The following ELP2 variants were observed in gnomAD, a reference collection of about 807,000 sequenced individuals.
ELP2 encodes elongator acetyltransferase complex subunit 2, also known as elongator complex protein 2.
ELP2 carries 90 observed loss-of-function variants against 119.2 expected under a neutral mutation model. That is an observed-to-expected ratio of 0.75 (90% CI 0.64 to 0.90). ELP2 has a LOEUF of 0.90. Ranked by LOEUF, ELP2 falls within the 40% of genes least tolerant of loss-of-function variation. ELP2 has a pLI of 0.00. For missense variants in ELP2, 921 were observed against 967.8 expected (o/e 0.95, Z 0.64); for synonymous variants, 339 against 331.0 (o/e 1.02, Z -0.26).
chr18:36,141,765 A>C lies in ELP2; in HGVS notation c.589-516A>C, dbSNP rs1034986327. On this transcript the variant is annotated intron_variant, in intron 6 of 21. Transcript: ENST00000358232. ...TGGTGCAGTGGTGAGAACATGCGTC[A>C]CTGTAGTCTTGACTTCCTGGGGTGA... Among the ~76,000 whole-genome samples, 8 of 149,348 alleles carry C rather than the reference A, an allele frequency of 5.4e-5. No individual in the cohort carries two copies. The East Asian group carries it at 1.4e-3, about 26-fold the overall frequency.
chr18:36,154,360 TTAA>T (rs1174310800), intron 11 of ELP2, among the ~76,000 whole-genome samples: 7 of 152,216 alleles, frequency 4.6e-5, no homozygotes, highest in Non-Finnish European at 1.0e-4. Flanking sequence ...CTCTTTTTAC[TTAA>T]TAAAGCCATC....
At chr18:36,151,315 T>C in intron 11 of ELP2, among the ~76,000 whole-genome samples, 1 of 151,704 alleles carries the variant, frequency 6.6e-6, no homozygotes, top group South Asian at 2.1e-4. Context: ...ACTCCTGGGC[T>C]CAAGCAGTCT....
chr18:36,139,400 A>T (rs2089943225), intron 5 of ELP2: 1 of 1,534,138 alleles, frequency 6.5e-7, no homozygotes, highest in Non-Finnish European at 8.7e-7. Flanking sequence ...TGAGTGAGTC[A>T]GCCTCTTTGC....
intron 11 of ELP2, among the ~76,000 whole-genome samples, chr18:36,151,021 TC>T (rs1014660476): frequency 6.6e-5 from 10 of 150,980 alleles, no homozygotes; most frequent in African/African-American, 2.4e-4. Context: ...GTCAGTAGTT[TC>T]CCCCCCTATT....
rs1412222064 is a variant in ELP2, at chr18:36,180,361, G to A, written c.*5720G>A. 1 of 152,224 alleles carries A rather than the reference G, an allele frequency of 6.6e-6. No individual in the cohort carries two copies. Among genetic ancestry groups the A allele is most frequent in the Non-Finnish European group, 1.5e-5 (1 of 68,038 alleles). The allele number at this position is 152,224 out of a possible 1,614,324, so 9.4% of individuals were successfully genotyped here. A position where few individuals can be genotyped will look rare whatever the true frequency, so the allele number is the denominator to read the frequency against. On this transcript the variant is annotated 3_prime_UTR_variant, in exon 22 of 22. Coordinates refer to ENST00000358232, the MANE Select transcript of ELP2 (RefSeq NM_018255.4). ...TTAAATCTTTATTGCAGATGCCCAT[G>A]TGCTCAGCAGAGAACTGGGGTGCTT...
intron 1 of ELP2, among the ~76,000 whole-genome samples, chr18:36,132,121 G>T (rs1242186935): frequency 6.6e-6 from 1 of 151,994 alleles, no homozygotes; most frequent in Non-Finnish European, 1.5e-5. Context: ...CATTGGCCAG[G>T]CTGGTCTCCA....
At chr18:36,137,948 T>C (rs1484893762) in intron 3 of ELP2, 1 of 303,354 alleles carries the variant, frequency 3.3e-6, no homozygotes, top group Non-Finnish European at 6.4e-6. Context: ...TATGTAGTAA[T>C]GCTGTCAAAA....
intron 19 of ELP2, among the ~76,000 whole-genome samples, chr18:36,168,535 T>C (rs1259920250): frequency 6.6e-6 from 1 of 152,138 alleles, no homozygotes; most frequent in Non-Finnish European, 1.5e-5. Context: ...AAAGAAGTGC[T>C]GAGCAAAAGG....
intron 17 of ELP2, 129 bp downstream of exon 17, chr18:36,161,133 CT>C: frequency 1.4e-6 from 1 of 722,824 alleles, no homozygotes; most frequent in Non-Finnish European, 2.5e-6. Flanking sequence ...TTGAATCTTA[CT>C]TTCTCAATTT....
chr18:36,136,561 T>G, intron 3 of ELP2, 184 bp downstream of exon 3: 1 of 613,242 alleles, frequency 1.6e-6, no homozygotes, highest in Non-Finnish European at 2.9e-6. Context: ...TTTGTTTGTT[T>G]GTTTGTTTTT....
At chr18:36,139,534 C>G (rs2089949795) in intron 5 of ELP2, 1 of 1,535,694 alleles carries the variant, frequency 6.5e-7, no homozygotes, top group South Asian at 1.2e-5. Flanking sequence ...CCATTCTGTG[C>G]AAGGCTCTGT....
Position 36,164,567 on chromosome 18 carries a change from G to A in ELP2, c.1854G>A (p.Thr618=), listed in dbSNP as rs778037150. The change falls in exon 18 of 22, where the codon ACG becomes ACA. Residue 618 remains threonine, a synonymous_variant. Transcript: ENST00000358232. The part of the protein sequence containing the change: ...QNLVFHSLTV[T]QMAFSPNEKF... Reference sequence around the variant, plus strand: ...TAGTTTTCCACAGTTTGACAGTCACGCAGATGGCCTTCTCACCTAATGAGA... The same window carrying A: ...TAGTTTTCCACAGTTTGACAGTCACACAGATGGCCTTCTCACCTAATGAGA... 2.8e-5 allele frequency: 45 copies of A among 1,614,034 alleles called. No homozygotes were observed. Among genetic ancestry groups the A allele is most frequent in the East Asian group, 2.0e-4 (9 of 44,864 alleles).
chr18:36,137,499 A>G (rs1299278985), intron 3 of ELP2, among the ~76,000 whole-genome samples: 4 of 152,208 alleles, frequency 2.6e-5, no homozygotes, highest in African/African-American at 9.7e-5. Context: ...AAGGAACACC[A>G]CTATTTCAGC....
chr18:36,160,981 A>G lies in ELP2; in HGVS notation c.1738A>G (p.Thr580Ala). 1 of 1,613,608 alleles carries G rather than the reference A, an allele frequency of 6.2e-7. No homozygotes were observed. Among genetic ancestry groups the G allele is most frequent in the Non-Finnish European group, 8.5e-7 (1 of 1,179,710 alleles). ...IFCVTCNSSK[T>A]LLASACKAAK... is the part of the protein sequence containing the mutation. ...TTGTGTTACTTGTAACAGTTCAAAG[A>G]CTCTGCTTGCCTCAGCTTGTAAGGT... The change falls in exon 17 of 22, where the codon ACT becomes GCT. Residue 580 changes from threonine (T) to alanine (A), a missense_variant. By Grantham distance (58) the Thr-to-Ala change is moderately conservative. Coordinates refer to ENST00000358232, the MANE Select transcript of ELP2 (RefSeq NM_018255.4).
Position 36,174,790 on chromosome 18 carries a change from A to G in ELP2, c.*149A>G. ...TGCTTTGTCACAACCTCCACCTCCCAGGTTCAAGCGATTCTCTTTCTTCAG... is the reference window on the plus strand; with the variant it reads ...TGCTTTGTCACAACCTCCACCTCCCGGGTTCAAGCGATTCTCTTTCTTCAG... On this transcript the variant is annotated 3_prime_UTR_variant, in exon 22 of 22. Transcript: ENST00000358232. The G allele has an allele frequency of 1.4e-6, 1 of 705,558 alleles. No homozygotes were observed. The highest frequency in any genetic ancestry group is 2.4e-6 in the Non-Finnish European group (1 of 424,990). 43.7% of individuals were successfully genotyped at this position (705,558 alleles called of 1,614,324 possible).
chr18:36,141,067 A>G (rs1222480249), intron 5 of ELP2, 70 bp from the exon 6 acceptor site: 2 of 1,233,522 alleles, frequency 1.6e-6, no homozygotes, highest in East Asian at 4.6e-5. Flanking sequence ...CTTACAATCC[A>G]GTACAGTTGA....
intron 21 of ELP2, among the ~76,000 whole-genome samples, chr18:36,173,667 T>G (rs1478431335): frequency 1.3e-5 from 2 of 152,196 alleles, no homozygotes; most frequent in Non-Finnish European, 2.9e-5. Flanking sequence ...ATTCTTCCCT[T>G]TTAATCATGA....
intron 1 of ELP2, 30 bp downstream of exon 1, chr18:36,130,101 T>G (rs377584501): frequency 1.7e-4 from 275 of 1,613,588 alleles, no homozygotes; most frequent in Non-Finnish European, 2.2e-4. Flanking sequence ...GGCCGACCCT[T>G]GTGCTTTTCG....
At chr18:36,134,596 TGTG>T (rs1397737217) in intron 2 of ELP2, among the ~76,000 whole-genome samples, 2 of 152,212 alleles carry the variant, frequency 1.3e-5, no homozygotes, top group African/African-American at 4.8e-5. Flanking sequence ...TAATTTCTAA[TGTG>T]GTTAATATTG....
Sources: allele counts gnomAD v4.1 joint callset (sites outside exome capture counted in the v4.1 genomes callset), GRCh38; gene constraint gnomAD v4.1.1; transcripts MANE v1.5; gene names NCBI Gene and HGNC (gene_info 2026-07-23, HGNC 2026-07-21).